The following ESRP1 variants were observed in gnomAD, a reference collection of about 807,000 sequenced individuals.
ESRP1 encodes epithelial splicing regulatory protein 1, also known as RNA-binding motif protein 35A.
A neutral mutation model predicts 81.7 loss-of-function variants in ESRP1; 33 were observed. That is an observed-to-expected ratio of 0.40 (90% confidence interval 0.31 to 0.54). The LOEUF is 0.54. Ranked by LOEUF, ESRP1 falls within the 20% of genes least tolerant of loss-of-function variation. The pLI is 0.41. For missense variants in ESRP1, 672 were observed against 833.1 expected (o/e 0.81, Z 2.38); for synonymous variants, 320 against 303.3 (o/e 1.06, Z -0.57).
intron 14 of ESRP1, among the ~76,000 whole-genome samples, 164 bp from the exon 15 acceptor site, chr8:94,696,688 A>G (rs901297744): frequency 6.6e-6 from 1 of 152,204 alleles, no homozygotes; most frequent in Non-Finnish European, 1.5e-5. Context: ...CATGTTAAGA[A>G]ATAAAGATTT....
Position 94,664,765 on chromosome 8 carries a change from A to G in ESRP1, c.713A>G (p.Asp238Gly), listed in dbSNP as rs1197824267. 1 of 1,613,926 alleles carries G rather than the reference A, an allele frequency of 6.2e-7. No homozygotes were observed. Among genetic ancestry groups the G allele is most frequent in the Non-Finnish European group, 8.5e-7 (1 of 1,179,906 alleles). ...RARGLPWQSS[D>G]QDIARFFKGL... is the part of the protein sequence containing the mutation. ...CGAGGTTTACCATGGCAGTCTTCAG[A>G]TCAAGATATTGCAAGATTCTTCAAA... is the stretch of plus-strand genomic sequence containing the variant. Residue 238 changes from aspartate to glycine, a missense_variant, in exon 7 of 16, where the codon GAT (aspartate) becomes GGT (glycine). Coordinates refer to ENST00000433389, the MANE Select transcript of ESRP1 (RefSeq NM_017697.4).
Position 94,662,561 on chromosome 8 carries a change from T to G in ESRP1, c.644+6T>G. The G allele has an allele frequency of 6.3e-7, 1 of 1,598,584 alleles. No homozygotes were observed. Among genetic ancestry groups the G allele is most frequent in the Non-Finnish European group, 8.5e-7 (1 of 1,171,128 alleles). On this transcript the variant is annotated splice_donor_region_variant and intron_variant, in intron 6 of 15. Transcript: ENST00000433389. Reference sequence around the variant, plus strand: ...AAGTTTGAAAGTGGAACTTGGTAAGTGCTTGAGTACTATTTATTTGAGCTT... The same window carrying G: ...AAGTTTGAAAGTGGAACTTGGTAAGGGCTTGAGTACTATTTATTTGAGCTT...
chr8:94,675,029 CA>C (rs953154374), intron 12 of ESRP1, among the ~76,000 whole-genome samples: 1 of 151,794 alleles, frequency 6.6e-6, no homozygotes, highest in African/African-American at 2.4e-5. Flanking sequence ...AAAACAAAAA[CA>C]AAAAAAACCA....
chr8:94,696,893 C>T lies in ESRP1; in HGVS notation c.2013C>T (p.Ala671=). 3 of 1,595,446 alleles carry T rather than the reference C, an allele frequency of 1.9e-6. No individual in the cohort carries two copies. The highest frequency in any genetic ancestry group is 2.6e-6 in the Non-Finnish European group (3 of 1,170,308). ...GACTTATACACACAAATGACCAGGCCAGGACTCTACCCAAAGAATGGGTTT... is the reference window on the plus strand; with the variant it reads ...GACTTATACACACAAATGACCAGGCTAGGACTCTACCCAAAGAATGGGTTT... ...EDGLIHTNDQ[A]RTLPKEWVCI is the part of the protein sequence containing the mutation. Residue 671 remains alanine (A), a synonymous_variant, in exon 15 of 16, where the codon GCC becomes GCT. Transcript: ENST00000433389.
Position 94,664,722 on chromosome 8 carries a change from A to G in ESRP1, c.670A>G (p.Asn224Asp). The change falls in exon 7 of 16, where the codon AAC becomes GAC. Residue 224 changes from asparagine to aspartate, a missense_variant. By Grantham distance (23) the Asn-to-Asp change is conservative. Transcript: ENST00000433389. ...CAGCAAGATGGAACTTATTGATGAT[A>G]ACACCGTAGTCAGGGCACGAGGTTT... ...TCSKMELIDD[N>D]TVVRARGLPW... 2 of 1,613,956 alleles carry G rather than the reference A, an allele frequency of 1.2e-6. No individual in the cohort carries two copies. The highest frequency in any genetic ancestry group is 2.2e-5 in the South Asian group (2 of 91,078).
chr8:94,660,772 A>G (rs1818705159), intron 4 of ESRP1, among the ~76,000 whole-genome samples: 1 of 149,630 alleles, frequency 6.7e-6, no homozygotes, highest in Admixed American at 6.7e-5. Context: ...CAAAAAACCA[A>G]AGAAAACCAA....
At chr8:94,703,179 AGAGTCTTGCTC>A (rs1482602534) in intron 15 of ESRP1, among the ~76,000 whole-genome samples, 4 of 146,894 alleles carry the variant, frequency 2.7e-5, no homozygotes, top group Non-Finnish European at 4.4e-5. Flanking sequence ...TTGTTGAGAC[AGAGTCTTGCTC>A]TATCCCCAGG....
chr8:94,659,901 C>A (rs528645948), intron 4 of ESRP1, among the ~76,000 whole-genome samples: 5 of 152,280 alleles, frequency 3.3e-5, no homozygotes, highest in African/African-American at 1.2e-4. Flanking sequence ...TAAGCCAAAG[C>A]GCAATCTGGA....
rs1305397363 is a variant in ESRP1, at chr8:94,674,373, G to A, written c.1518G>A (p.Gln506=). Reference sequence around the variant, plus strand: ...CGGACAGAGCATTTATGGCTGCACAGAAGTGTCATAAAAAAAACATGAAGG... The same window carrying A: ...CGGACAGAGCATTTATGGCTGCACAAAAGTGTCATAAAAAAAACATGAAGG... ...KSADRAFMAA[Q]KCHKKNMKDR... is the part of the protein sequence containing the mutation. The change falls in exon 12 of 16, where the codon CAG becomes CAA. Residue 506 remains glutamine (Q), a synonymous_variant. Coordinates refer to ENST00000433389, the MANE Select transcript of ESRP1 (RefSeq NM_017697.4). 8 of 1,613,866 alleles carry A rather than the reference G, an allele frequency of 5.0e-6. No individual in the cohort carries two copies. Among genetic ancestry groups the A allele is most frequent in the Non-Finnish European group, 6.8e-6 (8 of 1,179,900 alleles).
intron 4 of ESRP1, chr8:94,649,482 G>A (rs1341363559): frequency 6.6e-6 from 1 of 151,956 alleles, no homozygotes; most frequent in Non-Finnish European, 1.5e-5. Flanking sequence ...AGGTGCATCT[G>A]CTATACCTGT....
chr8:94,703,216 G>A (rs1046173279), intron 15 of ESRP1, among the ~76,000 whole-genome samples: 1 of 151,074 alleles, frequency 6.6e-6, no homozygotes, highest in Non-Finnish European at 1.5e-5. Context: ...GTACAGTGGC[G>A]CAATCTCGGC....
At chr8:94,651,041 G>A (rs1004898357) in intron 4 of ESRP1, among the ~76,000 whole-genome samples, 1 of 152,070 alleles carries the variant, frequency 6.6e-6, no homozygotes, top group Non-Finnish European at 1.5e-5. Flanking sequence ...ACCAAGGAGT[G>A]TGACTGCTGG....
chr8:94,642,348 G>A (rs577209965), intron 2 of ESRP1, among the ~76,000 whole-genome samples: 25 of 152,338 alleles, frequency 1.6e-4, no homozygotes, highest in African/African-American at 5.3e-4. Context: ...GAGCCGGAGA[G>A]TCAGCTCCAT....
chr8:94,679,655 A>G (rs866006928), intron 13 of ESRP1, among the ~76,000 whole-genome samples: 2 of 148,484 alleles, frequency 1.3e-5, no homozygotes, highest in East Asian at 3.9e-4. Context: ...CTGTAGGTCA[A>G]TTTTTTTTTT....
At chr8:94,681,827 CGGA>C (rs1563539989) in intron 13 of ESRP1, among the ~76,000 whole-genome samples, 1 of 151,158 alleles carries the variant, frequency 6.6e-6, no homozygotes, top group Non-Finnish European at 1.5e-5. Context: ...CCAGCTACTC[CGGA>C]GGCCAAGGCA....
rs968070511 is a variant in ESRP1 at position 94,648,816 on chromosome 8, C to A, written c.490+2534C>A. ...TGTATCCTTGATTGGTTGTTTTAAA[C>A]GAGGATACAGAAATATCAATTTGGA... On this transcript the variant is annotated intron_variant, in intron 4 of 15. Transcript: ENST00000433389. 2.6e-5 allele frequency among the ~76,000 whole-genome samples: 4 copies of A among 152,162 alleles called. No homozygotes were observed. The East Asian group carries it at 7.7e-4, about 29-fold the overall frequency.
In ESRP1 at chr8:94,652,441, G is replaced by T. The variant is rs113943634; in HGVS notation, c.490+6159G>T. Among the ~76,000 whole-genome samples the T allele has an allele frequency of 2.6e-3, 394 of 151,228 alleles. 1 individual carries two copies. Among genetic ancestry groups the T allele is most frequent in the African/African-American group, 8.9e-3 (366 of 41,284 alleles). The stretch of plus-strand genomic sequence containing the variant: ...GCTTTTTACTTAATCAAGTGAGGAT[G>T]GTGAGGGTGTGAGATGATAGGGACG... On this transcript the variant is annotated intron_variant, in intron 4 of 15. Coordinates refer to ENST00000433389, the MANE Select transcript of ESRP1 (RefSeq NM_017697.4).
intron 6 of ESRP1, 26 bp downstream of exon 6, chr8:94,662,581 G>T (rs1818802747): frequency 6.5e-7 from 1 of 1,535,288 alleles, no homozygotes; most frequent in South Asian, 1.2e-5. Flanking sequence ...CTATTTATTT[G>T]AGCTTTTTAA....
chr8:94,658,014 C>T (rs575495315), intron 4 of ESRP1, among the ~76,000 whole-genome samples: 4 of 152,142 alleles, frequency 2.6e-5, no homozygotes, highest in Non-Finnish European at 5.9e-5. Context: ...AGGGTTCAAG[C>T]GATTTTTGTG....
Sources: gnomAD v4.1 joint callset for allele counts (sites outside exome capture counted in the v4.1 genomes callset) on GRCh38, gnomAD v4.1.1 for gene constraint, MANE v1.5 for transcripts, NCBI Gene and HGNC (gene_info 2026-07-23, HGNC 2026-07-21) for gene names.